AGPS: variants seen among roughly 807,000 people sequenced by gnomAD.
The protein encoded by AGPS is alkyldihydroxyacetonephosphate synthase, peroxisomal.
AGPS carries 26 observed loss-of-function variants against 90.7 expected under a neutral mutation model. The ratio of observed to expected loss-of-function variants is 0.29; its 90% confidence interval spans 0.21 to 0.40. AGPS has a LOEUF of 0.40. AGPS is among the 10% of genes least tolerant of loss of function. The pLI is 1.00. For synonymous variants in AGPS, 294 were observed against 285.3 expected, an observed-to-expected ratio of 1.03 and a Z score of -0.31; for missense variants, 540 against 816.1, an observed-to-expected ratio of 0.66 and a Z score of 4.12.
At chr2:177,517,739 C>T (rs921996907) in intron 17 of AGPS, among the ~76,000 whole-genome samples, 3 of 152,128 alleles carry the variant, frequency 2.0e-5, no homozygotes, top group African/African-American at 7.2e-5. Flanking sequence ...TCCTCAAATG[C>T]TGATATCTCA....
chr2:177,476,484 T>C (rs1687784995), intron 10 of AGPS, among the ~76,000 whole-genome samples: 1 of 152,144 alleles, frequency 6.6e-6, no homozygotes, highest in South Asian at 2.1e-4. Flanking sequence ...CCAATTTCTT[T>C]CTTATCAGTT....
In AGPS at chr2:177,392,848, G is replaced by C. The variant is rs1574332666; in HGVS notation, c.59G>C (p.Gly20Ala). Residue 20 changes from glycine (G) to alanine (A), a missense_variant, in exon 1 of 20, where the codon GGG becomes GCG. By Grantham distance (60) the Gly-to-Ala change is moderately conservative (BLOSUM62 0). Coordinates refer to ENST00000264167, the MANE Select transcript of AGPS (RefSeq NM_003659.4). The part of the protein sequence containing the change: ...GTGLGAGASY[G>A]SAADRDRDPD... Reference sequence around the variant, plus strand: ...GGCTTGGGCGCGGGCGCGAGCTACGGGTCTGCAGCGGACCGGGACCGGGAC... The same window carrying C: ...GGCTTGGGCGCGGGCGCGAGCTACGCGTCTGCAGCGGACCGGGACCGGGAC... The C allele has an allele frequency of 1.3e-6, 2 of 1,553,276 alleles. No individual in the cohort carries two copies. The highest frequency in any genetic ancestry group is 1.7e-6 in the Non-Finnish European group (2 of 1,153,918).
intron 16 of AGPS, among the ~76,000 whole-genome samples, chr2:177,510,619 TAC>T (rs962574361): frequency 3.7e-4 from 57 of 152,310 alleles, no homozygotes; most frequent in African/African-American, 1.3e-3. Context: ...TATATATACT[TAC>T]ATATTTATTT....
chr2:177,511,116 T>C lies in AGPS; in HGVS notation c.1608-2703T>C, dbSNP rs1248806332. Among the ~76,000 whole-genome samples, 5 of 152,286 alleles carry C rather than the reference T, an allele frequency of 3.3e-5. No individual in the cohort carries two copies. In the East Asian group the frequency reaches 7.7e-4, roughly 24 times the overall value. On this transcript the variant is annotated intron_variant, in intron 16 of 19. Coordinates refer to ENST00000264167, the MANE Select transcript of AGPS (RefSeq NM_003659.4). ...CATTTTTTGTTGTTGTTGTTGTTGT[T>C]GAGATGGGATCTCGCTCTGTCACCC... is the stretch of plus-strand genomic sequence containing the variant.
chr2:177,410,321 G>A (rs958856253), intron 1 of AGPS, among the ~76,000 whole-genome samples: 13 of 152,116 alleles, frequency 8.5e-5, no homozygotes, highest in African/African-American at 3.1e-4. Flanking sequence ...ACCTCTTGAG[G>A]TTTCTGTACA....
At chr2:177,508,431 T>C (rs1688772513) in intron 16 of AGPS, among the ~76,000 whole-genome samples, 1 of 152,218 alleles carries the variant, frequency 6.6e-6, no homozygotes, top group Non-Finnish European at 1.5e-5. Flanking sequence ...TATTTAGTTT[T>C]TGATATTTGT....
At chr2:177,453,116 T>C (rs1687001545) in intron 8 of AGPS, among the ~76,000 whole-genome samples, 1 of 152,036 alleles carries the variant, frequency 6.6e-6, no homozygotes, top group Non-Finnish European at 1.5e-5. Context: ...AAAAAAGATA[T>C]TTGAAGTGAG....
chr2:177,405,670 G>GTTTTTTTTTTTTTTTTTTTTTTTTTT (rs1170607740), intron 1 of AGPS, among the ~76,000 whole-genome samples: 1 of 60,904 alleles, frequency 1.6e-5, no homozygotes, highest in African/African-American at 5.8e-5. Flanking sequence ...GCACTATTCT[G>GTTTTTTTTTTTTTTTTTTTTTTTTTT]TTGTTTTTTT....
At chr2:177,520,504 G>A (rs1253715453) in intron 17 of AGPS, among the ~76,000 whole-genome samples, 3 of 151,466 alleles carry the variant, frequency 2.0e-5, no homozygotes, top group African/African-American at 4.8e-5. Context: ...TTTTCAAGGG[G>A]CAGATGTTTT....
intron 8 of AGPS, among the ~76,000 whole-genome samples, chr2:177,454,259 AT>A (rs1687046851): frequency 6.6e-6 from 1 of 151,156 alleles, no homozygotes; most frequent in East Asian, 2.0e-4. Flanking sequence ...TACTCTTCTC[AT>A]TTTTTTCTTT....
Position 177,436,828 on chromosome 2 carries a change from A to G in AGPS, c.506A>G (p.Lys169Arg). 1 of 1,612,310 alleles carries G rather than the reference A, an allele frequency of 6.2e-7. No individual in the cohort carries two copies. Among genetic ancestry groups the G allele is most frequent in the Non-Finnish European group, 8.5e-7 (1 of 1,178,630 alleles). The stretch of plus-strand genomic sequence containing the variant: ...AATGAAGATTTTCTTCATGACCTTA[A>G]AGAAACTAATATTTCATATTCACAA... ...VVNEDFLHDL[K>R]ETNISYSQEA... is the part of the protein sequence containing the mutation. Residue 169 changes from lysine (K) to arginine (R), a missense_variant, in exon 4 of 20, where the codon AAA (lysine) becomes AGA (arginine). Lys to Arg is a conservative substitution (Grantham distance 26). Coordinates refer to ENST00000264167, the MANE Select transcript of AGPS (RefSeq NM_003659.4).
intron 1 of AGPS, 164 bp downstream of exon 1, chr2:177,393,213 C>T (rs913234516): frequency 2.0e-6 from 2 of 985,084 alleles, no homozygotes; most frequent in Non-Finnish European, 2.4e-6. Context: ...TGGACTAGAC[C>T]CTGGATTCTG....
At chr2:177,444,339 T>C (rs539002428) in intron 7 of AGPS, among the ~76,000 whole-genome samples, 58 of 149,784 alleles carry the variant, frequency 3.9e-4, no homozygotes, top group Non-Finnish European at 6.3e-4. Flanking sequence ...GAGAATTGCT[T>C]GAACCCAGGA....
chr2:177,506,196 G>T, intron 15 of AGPS, among the ~76,000 whole-genome samples: 1 of 146,208 alleles, frequency 6.8e-6, no homozygotes, highest in Non-Finnish European at 1.5e-5. Flanking sequence ...TTTCTTAATT[G>T]CTTTCTGCTG....
rs148944751 is a variant in AGPS at position 177,447,231 on chromosome 2, A to G, written c.870+1605A>G. Among the ~76,000 whole-genome samples, 526 of 152,052 alleles carry G rather than the reference A, an allele frequency of 3.5e-3. 4 individuals carry two copies. Among genetic ancestry groups the G allele is most frequent in the African/African-American group, 0.012 (502 of 41,494 alleles). ...GATTGACATTGATCTGCTCCTGACCATTTCTGGATGATAGGCTTTGAAAAA... is the reference window on the plus strand; with the variant it reads ...GATTGACATTGATCTGCTCCTGACCGTTTCTGGATGATAGGCTTTGAAAAA... On this transcript the variant is annotated intron_variant, in intron 8 of 19. Coordinates refer to ENST00000264167, the MANE Select transcript of AGPS (RefSeq NM_003659.4).
intron 10 of AGPS, among the ~76,000 whole-genome samples, chr2:177,478,235 T>C (rs1416060953): frequency 6.6e-6 from 1 of 152,212 alleles, no homozygotes; most frequent in Non-Finnish European, 1.5e-5. Context: ...GAGTTTTCTC[T>C]TGTGATTGAT....
intron 8 of AGPS, among the ~76,000 whole-genome samples, chr2:177,461,601 C>T (rs1259323433): frequency 1.3e-5 from 2 of 152,056 alleles, no homozygotes; most frequent in African/African-American, 4.8e-5. Flanking sequence ...GGACAGCTGG[C>T]CTTAAAACAA....
chr2:177,487,419 CTTCT>C (rs1574002331), intron 11 of AGPS, among the ~76,000 whole-genome samples: 2 of 151,996 alleles, frequency 1.3e-5, no homozygotes, highest in Admixed American at 6.5e-5. Flanking sequence ...TTTTTCCTTC[CTTCT>C]ATCACTTTTA....
chr2:177,439,950 A>G (rs1055108055), intron 5 of AGPS, among the ~76,000 whole-genome samples: 9 of 152,128 alleles, frequency 5.9e-5, no homozygotes, highest in African/African-American at 1.9e-4. Flanking sequence ...TGTTACTTGT[A>G]TAACTTTTAC....
Sources: gnomAD v4.1 joint callset for allele counts (sites outside exome capture counted in the v4.1 genomes callset) on GRCh38, gnomAD v4.1.1 for gene constraint, MANE v1.5 for transcripts, NCBI Gene and HGNC (gene_info 2026-07-23, HGNC 2026-07-21) for gene names.